CASP5: variants seen among roughly 807,000 people sequenced by gnomAD.
The protein encoded by CASP5 is caspase-5.
Under a neutral mutation model 45.2 loss-of-function variants are expected in CASP5, and 42 were observed. The observed-to-expected ratio is 0.93, with a 90% CI of 0.73 to 1.20. The LOEUF (loss-of-function observed/expected upper bound fraction) is 1.20, where lower values mean the gene tolerates loss of function less well. Among genes scored for constraint, CASP5 ranks in the 50% most tolerant of loss-of-function variants. The probability of loss-of-function intolerance (pLI) is 0.00; values close to 1 mark genes in which losing one functional copy is unlikely to be tolerated. For synonymous variants in CASP5, 209 were observed against 186.2 expected (o/e 1.12, Z -1.00); for missense variants, 512 against 532.2 (o/e 0.96, Z 0.37).
chr11:105,016,148 G>A (rs1362041490), intron 1 of CASP5, among the ~76,000 whole-genome samples: 1 of 152,174 alleles, frequency 6.6e-6, no homozygotes. Context: ...TGCTAATGAT[G>A]CTAACCTGCA....
At chr11:105,007,365 T>C (rs1157993085) in intron 2 of CASP5, 31 bp from the exon 3 acceptor site, 5 of 1,574,064 alleles carry the variant, frequency 3.2e-6, no homozygotes, top group African/African-American at 2.7e-5. Flanking sequence ...CCTTTAACTA[T>C]GGGCACAGCT....
chr11:105,018,054 C>T (rs1862727289), intron 1 of CASP5, among the ~76,000 whole-genome samples: 1 of 151,466 alleles, frequency 6.6e-6, no homozygotes, highest in African/African-American at 2.4e-5. Flanking sequence ...TCCAGCCAAA[C>T]TAAGCTTCAT....
chr11:105,012,562 C>G (rs1228969087), intron 1 of CASP5, among the ~76,000 whole-genome samples: 1 of 151,702 alleles, frequency 6.6e-6, no homozygotes, highest in African/African-American at 2.4e-5. Context: ...ATGAGAAACA[C>G]AATTCAATAG....
At chr11:105,001,520 GC>G (rs1233355024) in intron 5 of CASP5, among the ~76,000 whole-genome samples, 1 of 152,156 alleles carries the variant, frequency 6.6e-6, no homozygotes, top group African/African-American at 2.4e-5. Flanking sequence ...GAGAAAATTA[GC>G]CGGGCGTGGT....
intron 1 of CASP5, 41 bp downstream of exon 1, chr11:105,023,089 C>G: frequency 6.5e-7 from 1 of 1,547,552 alleles, no homozygotes. Flanking sequence ...TTTCTAAGAC[C>G]TGAGTACCCA....
At chr11:105,004,543 A>G (rs962896872) in intron 3 of CASP5, among the ~76,000 whole-genome samples, 1 of 152,194 alleles carries the variant, frequency 6.6e-6, no homozygotes, top group Non-Finnish European at 1.5e-5. Context: ...GTATACTTTT[A>G]TGTTTGGTTA....
At chr11:104,998,438 C>T (rs1861564691) in intron 7 of CASP5, among the ~76,000 whole-genome samples, 1 of 152,120 alleles carries the variant, frequency 6.6e-6, no homozygotes, top group South Asian at 2.1e-4. Context: ...TTTATCTGGA[C>T]ACTTAATAAC....
intron 1 of CASP5, among the ~76,000 whole-genome samples, chr11:105,022,911 C>A (rs374223890): frequency 3.9e-5 from 6 of 152,096 alleles, no homozygotes; most frequent in Non-Finnish European, 7.4e-5. Context: ...AAGGAATTAA[C>A]CTTTTTCTGG....
At chr11:105,001,981 A>C in intron 5 of CASP5, 47 bp downstream of exon 5, 1 of 1,570,322 alleles carries the variant, frequency 6.4e-7, no homozygotes, top group South Asian at 1.2e-5. Context: ...TATTAGAAGA[A>C]TCTGTGTTGC....
chr11:104,998,047 A>G (rs1861544659), intron 7 of CASP5, among the ~76,000 whole-genome samples: 1 of 152,188 alleles, frequency 6.6e-6, no homozygotes, highest in Non-Finnish European at 1.5e-5. Context: ...ATATACTTAA[A>G]AATTTGCAGA....
chr11:104,999,063 T>A lies in CASP5; in HGVS notation c.953-35A>T, dbSNP rs1357031155. On this transcript the variant is annotated intron_variant, in intron 6 of 9. Transcript: ENST00000260315. The stretch of plus-strand genomic sequence containing the variant: ...CATCAACTTTCTTTTTTTTTTATGT[T>A]ACTTTAAGTTCCAGAATAGAAATGC... 4 of 1,551,064 alleles carry A rather than the reference T, an allele frequency of 2.6e-6. No individual in the cohort carries two copies. The South Asian group carries it at 3.6e-5, about 14-fold the overall frequency.
intron 3 of CASP5, among the ~76,000 whole-genome samples, chr11:105,004,360 T>C (rs1861898413): frequency 6.6e-6 from 1 of 152,194 alleles, no homozygotes; most frequent in Non-Finnish European, 1.5e-5. Flanking sequence ...GTAATTCTGA[T>C]CTATCCCCTT....
At chr11:105,012,110 A>T (rs1251335610) in intron 1 of CASP5, among the ~76,000 whole-genome samples, 1 of 151,888 alleles carries the variant, frequency 6.6e-6, no homozygotes, top group African/African-American at 2.4e-5. Context: ...AATAAAACAA[A>T]AAGGCCAGAA....
At chr11:105,022,404 C>A (rs987179699) in intron 1 of CASP5, among the ~76,000 whole-genome samples, 2 of 152,078 alleles carry the variant, frequency 1.3e-5, no homozygotes, top group African/African-American at 4.8e-5. Context: ...CCAGTTTCTT[C>A]CTTTTTCCAG....
At chr11:105,017,185 G>GA (rs1188475698) in intron 1 of CASP5, among the ~76,000 whole-genome samples, 6 of 151,910 alleles carry the variant, frequency 3.9e-5, no homozygotes, top group East Asian at 1.9e-4. Flanking sequence ...ACCAAAAGTA[G>GA]AAAAAACCAC....
At chr11:105,009,816 TATATATATACACATATATATATACAC>T (rs1862224130) in intron 1 of CASP5, among the ~76,000 whole-genome samples, 8 of 105,498 alleles carry the variant, frequency 7.6e-5, no homozygotes, top group South Asian at 2.7e-4. Context: ...TACACACACA[TATATATATACACATATATATATACAC>T]ATATATATAC....
intron 3 of CASP5, among the ~76,000 whole-genome samples, chr11:105,003,691 C>T (rs1861865073): frequency 6.6e-6 from 1 of 151,752 alleles, no homozygotes; most frequent in Non-Finnish European, 1.5e-5. Flanking sequence ...TTTGATTTTT[C>T]CAGTGGTTTT....
chr11:105,003,796 AT>A (rs2134709531), intron 3 of CASP5, among the ~76,000 whole-genome samples: 1 of 152,168 alleles, frequency 6.6e-6, no homozygotes, highest in East Asian at 1.9e-4. Context: ...TTGAAATACA[AT>A]GTGAGTTCCA....
At chr11:105,015,201 C>G (rs184977431) in intron 1 of CASP5, among the ~76,000 whole-genome samples, 2 of 152,272 alleles carry the variant, frequency 1.3e-5, no homozygotes, top group East Asian at 3.9e-4. Flanking sequence ...CTCTTCTCAA[C>G]AGACATTAGA....
Sources: allele counts gnomAD v4.1 joint callset (sites outside exome capture counted in the v4.1 genomes callset), GRCh38; gene constraint gnomAD v4.1.1; transcripts MANE v1.5; gene names NCBI Gene and HGNC (gene_info 2026-07-23, HGNC 2026-07-21).